The following PDXDC1 variants were observed in gnomAD, a reference collection of about 807,000 sequenced individuals.
PDXDC1 encodes pyridoxal-dependent decarboxylase domain-containing protein 1.
Under a neutral mutation model 100.1 loss-of-function variants are expected in PDXDC1, and 42 were observed. The ratio of observed to expected loss-of-function variants is 0.42; its 90% confidence interval spans 0.33 to 0.54. The LOEUF (loss-of-function observed/expected upper bound fraction) is 0.54, where lower values mean the gene tolerates loss of function less well. Among genes scored for constraint, PDXDC1 ranks in the 20% least tolerant of loss-of-function variants. The pLI is 0.10. For missense variants in PDXDC1, 636 were observed against 979.2 expected, an observed-to-expected ratio of 0.65 and a Z score of 4.68; for synonymous variants, 260 against 371.7, an observed-to-expected ratio of 0.70 and a Z score of 3.46.
chr16:15,058,889 TC>T (rs2044617883), intron 16 of PDXDC1, among the ~76,000 whole-genome samples: 1 of 152,138 alleles, frequency 6.6e-6, no homozygotes, highest in Admixed American at 6.5e-5. Flanking sequence ...TTTGCTGGCC[TC>T]CCCAAGTGCT....
At chr16:15,127,760 A>G in intron 16 of PDXDC1, 1 of 1,549,342 alleles carries the variant, frequency 6.5e-7, no homozygotes, top group Non-Finnish European at 8.7e-7. Context: ...AGGAGAACGC[A>G]GCAGGTGGCC....
At chr16:15,111,035 A>T (rs1400305819) in intron 16 of PDXDC1, among the ~76,000 whole-genome samples, 1 of 149,052 alleles carries the variant, frequency 6.7e-6, no homozygotes, top group Non-Finnish European at 1.5e-5. Context: ...AGGCTGAGGC[A>T]GAGAACCGTT....
At chr16:15,140,483 G>A (rs759559485), downstream of PDXDC1, among the ~76,000 whole-genome samples, 12 of 151,454 alleles carry the variant, frequency 7.9e-5, no homozygotes, top group South Asian at 2.1e-4. Flanking sequence ...AGGACGGAGG[G>A]CGAGAGGGAG....
chr16:15,075,850 G>C (rs1028433519), intron 16 of PDXDC1, among the ~76,000 whole-genome samples: 7 of 152,138 alleles, frequency 4.6e-5, no homozygotes, highest in African/African-American at 9.7e-5. Context: ...ACTGCTGTGA[G>C]TACTGGCGGC....
intron 16 of PDXDC1, chr16:15,127,394 A>C (rs915009260): frequency 3.4e-6 from 4 of 1,190,486 alleles, no homozygotes; most frequent in East Asian, 5.1e-5. Flanking sequence ...GCAGCACTGG[A>C]AAGTGGCGGC....
chr16:15,130,253 G>T (rs1356098679), intron 16 of PDXDC1: 6 of 1,548,112 alleles, frequency 3.9e-6, no homozygotes, highest in Admixed American at 2.0e-5. Flanking sequence ...TGGCGCCGAA[G>T]GCGGTGAGGT....
chr16:15,055,395 G>A (rs1209387929), intron 16 of PDXDC1, among the ~76,000 whole-genome samples: 1 of 152,232 alleles, frequency 6.6e-6, no homozygotes, highest in Non-Finnish European at 1.5e-5. Context: ...AGGGGAGAGA[G>A]AGGAGGAAGG....
chr16:14,982,687 C>G lies in PDXDC1; in HGVS notation c.21+7467C>G, dbSNP rs1355175021. Among the ~76,000 whole-genome samples the G allele has an allele frequency of 2.6e-5, 4 of 152,396 alleles. No homozygotes were observed. The East Asian group carries it at 7.7e-4, about 29-fold the overall frequency. On this transcript the variant is annotated intron_variant, in intron 1 of 22. Coordinates refer to ENST00000396410, the MANE Select transcript of PDXDC1 (RefSeq NM_015027.4). The stretch of plus-strand genomic sequence containing the variant: ...AAACCAGGTTTACAAGTCACTGTAT[C>G]AGCTTGGAGGATTCCTGTCCTCTTC...
chr16:14,990,994 G>T (rs548741123), intron 1 of PDXDC1, among the ~76,000 whole-genome samples: 1 of 152,274 alleles, frequency 6.6e-6, no homozygotes, highest in Non-Finnish European at 1.5e-5. Flanking sequence ...CGTCAACCTC[G>T]GCCTCCCAAC....
At chr16:15,125,336 C>A (rs1340678282) in intron 16 of PDXDC1, 3 of 723,596 alleles carry the variant, frequency 4.1e-6, no homozygotes, top group Non-Finnish European at 7.1e-6. Flanking sequence ...CTGCAGGTGG[C>A]GCGGGTCAGC....
chr16:15,088,755 G>C (rs1349002682), intron 16 of PDXDC1, among the ~76,000 whole-genome samples: 1 of 152,162 alleles, frequency 6.6e-6, no homozygotes, highest in South Asian at 2.1e-4. Context: ...TGGCAGGCAT[G>C]TATAGTGACC....
chr16:15,141,475 G>A (rs1295293215), downstream of PDXDC1, among the ~76,000 whole-genome samples: 2 of 152,222 alleles, frequency 1.3e-5, no homozygotes, highest in Non-Finnish European at 2.9e-5. Context: ...CGGATGGAGG[G>A]CACGGTTGGG....
intron 2 of PDXDC1, 152 bp from the exon 3 acceptor site, chr16:14,998,188 G>A (rs1455635119): frequency 1.4e-6 from 1 of 707,500 alleles, no homozygotes; most frequent in Non-Finnish European, 2.3e-6. Flanking sequence ...AACGATACCT[G>A]AAACTGGAGG....
chr16:14,997,642 A>G (rs1476208796), intron 1 of PDXDC1, 111 bp from the exon 2 acceptor site: 11 of 1,216,560 alleles, frequency 9.0e-6, no homozygotes, highest in Non-Finnish European at 1.2e-5. Flanking sequence ...AAAATCATGT[A>G]TTTCACAGTA....
chr16:15,117,364 A>C (rs1480244039), intron 16 of PDXDC1, among the ~76,000 whole-genome samples: 10 of 132,428 alleles, frequency 7.6e-5, no homozygotes, highest in Non-Finnish European at 9.5e-5. Context: ...ACTTACACTT[A>C]AGGTTATATA....
In PDXDC1 at chr16:15,037,898, A is replaced by AGTC. The variant is rs2043587719; in HGVS notation, c.*1624_*1626dup. ...TTTATTTTGAAAGTCATTTGATGAA[A>AGTC]GTCATTTGAAAGACACTGAGGAGGG... On this transcript the variant is annotated 3_prime_UTR_variant, in exon 23 of 23. Coordinates refer to ENST00000396410, the MANE Select transcript of PDXDC1 (RefSeq NM_015027.4). 3 of 585,582 alleles carry AGTC rather than the reference A, an allele frequency of 5.1e-6. No homozygotes were observed. Among genetic ancestry groups the AGTC allele is most frequent in the Non-Finnish European group, 9.1e-6 (3 of 328,942 alleles). The allele number at this position is 585,582 out of a possible 1,614,324, so 36.3% of individuals were successfully genotyped here. A position where few individuals can be genotyped will look rare whatever the true frequency, so the allele number is the denominator to read the frequency against.
chr16:14,991,073 C>T (rs77336123), intron 1 of PDXDC1, among the ~76,000 whole-genome samples: 37,127 of 146,250 alleles, frequency 0.25, 1,872 homozygotes, highest in East Asian at 0.45. Flanking sequence ...AGCCAGTTTA[C>T]GTTTACGTAA....
intron 16 of PDXDC1, among the ~76,000 whole-genome samples, chr16:15,078,726 A>C (rs1298513179): frequency 6.6e-6 from 1 of 151,680 alleles, no homozygotes; most frequent in Non-Finnish European, 1.5e-5. Flanking sequence ...ACTGCCTGTG[A>C]GTATTCTCTG....
intron 16 of PDXDC1, chr16:15,092,435 T>C: frequency 2.4e-6 from 2 of 851,006 alleles, no homozygotes; most frequent in Non-Finnish European, 4.0e-6. Flanking sequence ...CTATTTCTAT[T>C]GGTCTTTAGT....
Sources: allele counts gnomAD v4.1 joint callset (sites outside exome capture counted in the v4.1 genomes callset), GRCh38; gene constraint gnomAD v4.1.1; transcripts MANE v1.5; gene names NCBI Gene and HGNC (gene_info 2026-07-23, HGNC 2026-07-21).